DEPDC5: variants seen among roughly 807,000 people sequenced by gnomAD.
The protein encoded by DEPDC5 is GATOR1 complex protein DEPDC5.
DEPDC5 carries 73 observed loss-of-function variants against 217.3 expected under a neutral mutation model. The ratio of observed to expected loss-of-function variants is 0.34; its 90% CI spans 0.28 to 0.41. The LOEUF (loss-of-function observed/expected upper bound fraction) is 0.41, where lower values mean the gene tolerates loss of function less well. DEPDC5 is among the 10% of genes least tolerant of loss of function. The probability of loss-of-function intolerance (pLI) is 1.00; values close to 1 mark genes in which losing one functional copy is unlikely to be tolerated. For synonymous variants in DEPDC5, 733 were observed against 756.7 expected (o/e 0.97, Z 0.51); for missense variants, 1,675 against 2,070.1 (o/e 0.81, Z 3.70).
At chr22:31,773,814 A>G (rs1413168368) in intron 7 of DEPDC5, among the ~76,000 whole-genome samples, 1 of 152,272 alleles carries the variant, frequency 6.6e-6, no homozygotes, top group East Asian at 1.9e-4. Context: ...GCTCACGCCT[A>G]TAATCCCAGC....
intron 16 of DEPDC5, 91 bp downstream of exon 16, chr22:31,804,314 C>G (rs1051580560): frequency 8.0e-7 from 1 of 1,252,196 alleles, no homozygotes; most frequent in Non-Finnish European, 1.2e-6. Flanking sequence ...CACTTATAGT[C>G]CCACTTACTC....
At chr22:31,820,867 G>A (rs185554711) in intron 22 of DEPDC5, among the ~76,000 whole-genome samples, 1 of 152,272 alleles carries the variant, frequency 6.6e-6, no homozygotes, top group Non-Finnish European at 1.5e-5. Context: ...TATCCTCAGA[G>A]GCTCTCTTCC....
intron 38 of DEPDC5, among the ~76,000 whole-genome samples, chr22:31,886,087 T>G (rs147361806): frequency 6.6e-6 from 1 of 151,566 alleles, no homozygotes; most frequent in East Asian, 1.9e-4. Flanking sequence ...CACTACTTAC[T>G]CCTAGCTCAC....
chr22:31,838,918 A>G, intron 27 of DEPDC5, 73 bp downstream of exon 27: 1 of 1,477,136 alleles, frequency 6.8e-7, no homozygotes, highest in Non-Finnish European at 9.1e-7. Context: ...TCAAGATGGT[A>G]GGTAGTAGAT....
At chr22:31,858,976 A>G (rs1177196771) in intron 32 of DEPDC5, 1 of 152,166 alleles carries the variant, frequency 6.6e-6, no homozygotes, top group Non-Finnish European at 1.5e-5. Context: ...ACGTTGGCAA[A>G]CCTAAATACA....
intron 14 of DEPDC5, among the ~76,000 whole-genome samples, chr22:31,799,477 T>C (rs1427548593): frequency 6.6e-6 from 1 of 150,692 alleles, no homozygotes; most frequent in East Asian, 1.9e-4. Context: ...TTTCTCTTAA[T>C]GCTATTTTTT....
In DEPDC5 at chr22:31,778,081, G is replaced by T. The variant is rs371317533; in HGVS notation, c.414-18G>T. Reference sequence around the variant, plus strand: ...TTTCATGTAAGACTTGTAATAACTTGTGTGTGTATTCTTTCAGAGCACAGG... The same window carrying T: ...TTTCATGTAAGACTTGTAATAACTTTTGTGTGTATTCTTTCAGAGCACAGG... On this transcript the variant is annotated intron_variant, in intron 7 of 42. Coordinates refer to ENST00000651528, the MANE Select transcript of DEPDC5 (RefSeq NM_001242896.3). The T allele has an allele frequency of 1.4e-5, 23 of 1,613,464 alleles. No individual in the cohort carries two copies. The highest frequency in any genetic ancestry group is 1.9e-5 in the Non-Finnish European group (22 of 1,179,520).
At chr22:31,811,223 C>T (rs1457937881) in intron 20 of DEPDC5, among the ~76,000 whole-genome samples, 3 of 152,202 alleles carry the variant, frequency 2.0e-5, no homozygotes, top group East Asian at 1.9e-4. Flanking sequence ...GCACGTGCCA[C>T]CACGTCCAGC....
intron 40 of DEPDC5, among the ~76,000 whole-genome samples, chr22:31,900,767 A>T (rs901896103): frequency 6.6e-6 from 1 of 151,844 alleles, no homozygotes; most frequent in Non-Finnish European, 1.5e-5. Flanking sequence ...TGGGGGTAGT[A>T]GTTGTTCCTT....
chr22:31,853,398 CG>C (rs2092130970), intron 31 of DEPDC5: 1 of 152,112 alleles, frequency 6.6e-6, no homozygotes, highest in South Asian at 2.1e-4. Flanking sequence ...TGACTGCTCC[CG>C]GGAGACGTGC....
At chr22:31,880,563 C>A (rs2093146227) in intron 38 of DEPDC5, among the ~76,000 whole-genome samples, 1 of 152,212 alleles carries the variant, frequency 6.6e-6, no homozygotes, top group South Asian at 2.1e-4. Flanking sequence ...TAATTGGAAT[C>A]CTTTACTAGC....
intron 33 of DEPDC5, among the ~76,000 whole-genome samples, chr22:31,864,132 GAATTTCATTCT>G (rs2092606459): frequency 6.7e-6 from 1 of 149,110 alleles, no homozygotes; most frequent in Non-Finnish European, 1.5e-5. Context: ...TTTTGAGATG[GAATTTCATTCT>G]TGTTGCCCAG....
At chr22:31,757,123 A>T (rs1025068555) in intron 2 of DEPDC5, 1 of 151,698 alleles carries the variant, frequency 6.6e-6, no homozygotes, top group Non-Finnish European at 1.5e-5. Flanking sequence ...AATTCAGACT[A>T]TGTAAATTAG....
Position 31,843,747 on chromosome 22 carries a change from G to A in DEPDC5, c.2736G>A (p.Arg912=). 1 of 1,614,028 alleles carries A rather than the reference G, an allele frequency of 6.2e-7. No homozygotes were observed. The highest frequency in any genetic ancestry group is 8.5e-7 in the Non-Finnish European group (1 of 1,179,986). ...GCTGGGTGGAATTCTCCCACGAACGGCTGGAGGAGTACAAGTGGAATTACT... is the reference window on the plus strand; with the variant it reads ...GCTGGGTGGAATTCTCCCACGAACGACTGGAGGAGTACAAGTGGAATTACT... ...VSCWVEFSHE[R]LEEYKWNYLD... is the part of the protein sequence containing the mutation. The change falls in exon 29 of 43, where the codon CGG becomes CGA. Residue 912 remains arginine (R), a synonymous_variant. Coordinates refer to ENST00000651528, the MANE Select transcript of DEPDC5 (RefSeq NM_001242896.3).
chr22:31,788,264 A>ATT (rs75378797), intron 10 of DEPDC5, among the ~76,000 whole-genome samples: 1,722 of 90,684 alleles, frequency 0.019, 284 homozygotes, highest in African/African-American at 0.074. Flanking sequence ...GGATGACTGT[A>ATT]TTTTTTTTTT....
chr22:31,815,862 T>G, intron 21 of DEPDC5: 1 of 1,109,832 alleles, frequency 9.0e-7, no homozygotes, highest in South Asian at 4.2e-5. Context: ...TGTTTAGCCT[T>G]TCTTCATCCA....
intron 24 of DEPDC5, among the ~76,000 whole-genome samples, chr22:31,831,719 C>T (rs903686152): frequency 1.3e-5 from 2 of 152,100 alleles, no homozygotes; most frequent in Non-Finnish European, 2.9e-5. Context: ...CCTCGGCCTC[C>T]CAAAGGGTTG....
chr22:31,874,911 G>A (rs1371944534), intron 36 of DEPDC5, among the ~76,000 whole-genome samples: 3 of 152,142 alleles, frequency 2.0e-5, no homozygotes, highest in Non-Finnish European at 4.4e-5. Context: ...TTCCATTTCT[G>A]TATCACCAGT....
chr22:31,817,808 A>G lies in DEPDC5; in HGVS notation c.1667-1214A>G, dbSNP rs59534275. 9.2e-3 allele frequency among the ~76,000 whole-genome samples: 1,394 copies of G among 150,848 alleles called. 26 individuals are homozygous for G. The highest frequency in any genetic ancestry group is 0.031 in the African/African-American group (1,261 of 41,148). On this transcript the variant is annotated intron_variant, in intron 21 of 42. Transcript: ENST00000651528. ...GGCCTGTACTCATCTTTTTTTTTTT[A>G]CTAGGTTTTTCTCTTTTATTTCCTT...
Sources: allele counts gnomAD v4.1 joint callset (sites outside exome capture counted in the v4.1 genomes callset), GRCh38; gene constraint gnomAD v4.1.1; transcripts MANE v1.5; gene names NCBI Gene and HGNC (gene_info 2026-07-23, HGNC 2026-07-21).